KIF3C: variants seen among roughly 807,000 people sequenced by gnomAD.
The protein encoded by KIF3C is kinesin family member 3C.
Under a neutral mutation model 67.7 loss-of-function variants are expected in KIF3C, and 12 were observed. The ratio of observed to expected loss-of-function variants is 0.18; its 90% confidence interval spans 0.11 to 0.29. The LOEUF (loss-of-function observed/expected upper bound fraction) is 0.29. KIF3C is among the 10% of genes least tolerant of loss of function. The probability of loss-of-function intolerance (pLI) is 1.00; values close to 1 mark genes in which losing one functional copy is unlikely to be tolerated. For missense variants in KIF3C, 789 were observed against 1,059.6 expected (o/e 0.74, Z 3.55); for synonymous variants, 393 against 426.2 (o/e 0.92, Z 0.96).
At position 25,962,826 on chromosome 2, in the gene KIF3C, A is replaced by ATATAATATATAT. The variant is rs1559555136; in HGVS notation, c.1546-6383_1546-6382insATATATATTATA. Among the ~76,000 whole-genome samples, 3 of 64,508 alleles carry ATATAATATATAT rather than the reference A, an allele frequency of 4.7e-5. 1 individual carries two copies. Among genetic ancestry groups the ATATAATATATAT allele is most frequent in the African/African-American group, 2.6e-4 (3 of 11,686 alleles). The allele number at this position is 64,508 out of a possible 152,430, so 42.3% of individuals were successfully genotyped here. ...TAATATATAATATATATAATATATA[A>ATATAATATATAT]AATATATAAAATATATAATATATAA... On this transcript the variant is annotated intron_variant, in intron 1 of 7. Transcript: ENST00000264712.
At position 25,951,829 on chromosome 2, in the gene KIF3C, C is replaced by T; in HGVS notation, c.1966G>A (p.Glu656Lys). 6.2e-7 allele frequency: 1 copy of T among 1,614,088 alleles called. No homozygotes were observed. Among genetic ancestry groups the T allele is most frequent in the Non-Finnish European group, 8.5e-7 (1 of 1,179,978 alleles). Residue 656 changes from glutamate to lysine, a missense_variant, in exon 5 of 8, where the codon GAG becomes AAG. This residue lies in a region of KIF3C where 648 missense variants were observed against 807.8 expected (regional missense o/e 0.80). Coordinates refer to ENST00000264712, the MANE Select transcript of KIF3C (RefSeq NM_002254.8). ...IMNRLFLDCEEEQWKFQPLVP... is the reference protein window; with the variant it reads ...IMNRLFLDCEKEQWKFQPLVP... ...AGTGGCTGGAACTTCCACTGCTCCT[C>T]CTCACAGTCCAGGAAAAGCCGGTTC...
chr2:25,964,141 C>T (rs972913550), intron 1 of KIF3C, among the ~76,000 whole-genome samples: 2 of 152,068 alleles, frequency 1.3e-5, no homozygotes, highest in Non-Finnish European at 2.9e-5. Flanking sequence ...AATCTCATCT[C>T]TACTAAAAAG....
chr2:25,947,753 G>A (rs1006754215), intron 5 of KIF3C, among the ~76,000 whole-genome samples: 1 of 152,078 alleles, frequency 6.6e-6, no homozygotes, highest in Non-Finnish European at 1.5e-5. Context: ...ATGGTGGAAA[G>A]TTCAAATCCA....
intron 5 of KIF3C, among the ~76,000 whole-genome samples, chr2:25,951,006 C>T (rs190405881): frequency 5.1e-4 from 78 of 152,146 alleles, no homozygotes; most frequent in African/African-American, 1.8e-3. Context: ...GCTTCCCATC[C>T]CAGATTTAGG....
rs1054125745 is a variant in KIF3C at position 25,955,841 on chromosome 2, C to T, written c.1648-178G>A. 3.9e-5 allele frequency among the ~76,000 whole-genome samples: 6 copies of T among 152,138 alleles called. No individual in the cohort carries two copies. The highest frequency in any genetic ancestry group is 1.2e-4 in the African/African-American group (5 of 41,432). ...GCCCCTGGGAACCCTCCTCTCAGTT[C>T]CCAGGGCCATGCCTTTGCCAGGCTC... On this transcript the variant is annotated intron_variant, in intron 2 of 7. Coordinates refer to ENST00000264712, the MANE Select transcript of KIF3C (RefSeq NM_002254.8). The surrounding 1 kb of genome is among the most constrained non-coding windows in gnomAD (Gnocchi z 5.0).
rs374960605 is a variant in KIF3C at position 25,928,814 on chromosome 2, C to A, written c.*164G>T. The A allele has an allele frequency of 3.2e-5, 19 of 597,012 alleles. No homozygotes were observed. Among genetic ancestry groups the A allele is most frequent in the Non-Finnish European group, 5.3e-5 (18 of 337,932 alleles). The allele number at this position is 597,012 out of a possible 1,614,324, so 37.0% of individuals were successfully genotyped here. A position where few individuals can be genotyped will look rare whatever the true frequency, so the allele number is the denominator to read the frequency against. ...AATAACATGAATTAAATAAAGGAGGCGAAGAAGAGCAGGCAGAGGCACCAT... is the reference window on the plus strand; with the variant it reads ...AATAACATGAATTAAATAAAGGAGGAGAAGAAGAGCAGGCAGAGGCACCAT... On this transcript the variant is annotated 3_prime_UTR_variant, in exon 8 of 8. Transcript: ENST00000264712.
At position 25,954,278 on chromosome 2, in the gene KIF3C, T is replaced by C. The variant is rs746009022; in HGVS notation, c.1878A>G (p.Glu626=). The change falls in exon 4 of 8, where the codon GAA becomes GAG. Residue 626 remains glutamate, a synonymous_variant. Transcript: ENST00000264712. The part of the protein sequence containing the change: ...LEEAQNEQTR[E]LKLKYLIIEN... The stretch of plus-strand genomic sequence containing the variant: ...GCTGCGGGCCCTACTTGAGCTTGAG[T>C]TCGCGGGTCTGCTCGTTCTGCGCCT... The C allele has an allele frequency of 1.1e-5, 17 of 1,613,612 alleles. No homozygotes were observed. Among genetic ancestry groups the C allele is most frequent in the Non-Finnish European group, 1.4e-5 (17 of 1,179,650 alleles).
chr2:25,948,799 G>T (rs553558432), intron 5 of KIF3C, among the ~76,000 whole-genome samples: 3 of 151,892 alleles, frequency 2.0e-5, no homozygotes, highest in Non-Finnish European at 4.4e-5. Context: ...AAGCTCATTC[G>T]AACTTCAGGT....
intron 6 of KIF3C, among the ~76,000 whole-genome samples, chr2:25,929,678 C>T (rs2090441904): frequency 6.6e-6 from 1 of 151,406 alleles, no homozygotes; most frequent in South Asian, 2.1e-4. Context: ...TGCAGTGGTG[C>T]AATCTCGGCT....
At position 25,980,439 on chromosome 2, in the gene KIF3C, C is replaced by G. The variant is rs1251955618; in HGVS notation, c.1479G>C (p.Lys493Asn). ...SEEKQKLLEE[K>N]EKMLEDLRRE... ...GCCGCAGGTCCTCCAGCATCTTCTCCTTCTCCTCCAGCAGCTTCTGCTTCT... is the reference window on the plus strand; with the variant it reads ...GCCGCAGGTCCTCCAGCATCTTCTCGTTCTCCTCCAGCAGCTTCTGCTTCT... The change falls in exon 1 of 8, where the codon AAG becomes AAC. Residue 493 changes from lysine (K) to asparagine (N), a missense_variant. This residue lies in a region of KIF3C where 648 missense variants were observed against 807.8 expected (regional missense o/e 0.80). Coordinates refer to ENST00000264712, the MANE Select transcript of KIF3C (RefSeq NM_002254.8). The surrounding 1 kb of genome is among the most constrained non-coding windows in gnomAD (Gnocchi z 7.6). 2.5e-6 allele frequency: 4 copies of G among 1,614,146 alleles called. No homozygotes were observed. In the Admixed American group the frequency reaches 6.7e-5, roughly 27 times the overall value.
chr2:25,954,475 A>G, intron 3 of KIF3C, 90 bp from the exon 4 acceptor site: 1 of 939,462 alleles, frequency 1.1e-6, no homozygotes, highest in Non-Finnish European at 1.7e-6. Flanking sequence ...GCAGGCTCAG[A>G]GTCTACCGAC....
At chr2:25,939,306 G>T (rs908111774) in intron 5 of KIF3C, among the ~76,000 whole-genome samples, 4 of 152,016 alleles carry the variant, frequency 2.6e-5, no homozygotes, top group African/African-American at 9.7e-5. Flanking sequence ...CGACATCATC[G>T]GGTGTGTTTC....
chr2:25,951,466 T>C (rs1663610282), intron 5 of KIF3C: 1 of 279,936 alleles, frequency 3.6e-6, no homozygotes, highest in South Asian at 4.6e-5. Context: ...GACAAATGAA[T>C]ATTCACCAGA....
intron 1 of KIF3C, among the ~76,000 whole-genome samples, chr2:25,960,507 G>A (rs958113764): frequency 1.3e-5 from 2 of 151,916 alleles, no homozygotes; most frequent in East Asian, 1.9e-4. Context: ...ATGCTCTCTC[G>A]CCTGTAAGCT....
Position 25,981,133 on chromosome 2 carries a change from C to T in KIF3C, c.785G>A (p.Gly262Glu), listed in dbSNP as rs1038920913. 6.2e-7 allele frequency: 1 copy of T among 1,614,184 alleles called. No homozygotes were observed. ...ACCCGAGGATGGTGTGGCTGCCCCT[C>T]CCGCTGTGTTGGGGCCTGCCTTGTT... is the stretch of plus-strand genomic sequence containing the variant. ...RQNKAGPNTA[G>E]GAATPSSGGG... The change falls in exon 1 of 8, where the codon GGA becomes GAA. Residue 262 changes from glycine to glutamate, a missense_variant. Physicochemically the swap from Gly to Glu is moderately conservative, Grantham distance 98. Around this residue, in one of 2 missense-constraint regions of KIF3C, gnomAD observed 648 missense variants for 807.8 expected, o/e 0.80. Coordinates refer to ENST00000264712, the MANE Select transcript of KIF3C (RefSeq NM_002254.8). The surrounding 1 kb of genome is among the most constrained non-coding windows in gnomAD (Gnocchi z 8.2).
intron 1 of KIF3C, among the ~76,000 whole-genome samples, chr2:25,971,401 C>T (rs1221048636): frequency 1.3e-5 from 2 of 150,928 alleles, no homozygotes; most frequent in Non-Finnish European, 2.9e-5. Context: ...GATCACGCCA[C>T]TGTACTCCAG....
chr2:25,970,667 C>CAAAAA (rs397984116), intron 1 of KIF3C, among the ~76,000 whole-genome samples: 14 of 54,790 alleles, frequency 2.6e-4, no homozygotes, highest in East Asian at 7.6e-4. Flanking sequence ...AACTTTGTCT[C>CAAAAA]AAAAAAAAAA....
Position 25,926,881 on chromosome 2 carries a change from C to T in KIF3C, c.*2097G>A, listed in dbSNP as rs1422800861. On this transcript the variant is annotated 3_prime_UTR_variant, in exon 8 of 8. Transcript: ENST00000264712. ...CACGAGAATTTGGTCCTAATCAAGGCCCTTACTTTGTCAATCAAATATTTG... is the reference window on the plus strand; with the variant it reads ...CACGAGAATTTGGTCCTAATCAAGGTCCTTACTTTGTCAATCAAATATTTG... 2 of 152,106 alleles carry T rather than the reference C, an allele frequency of 1.3e-5. No homozygotes were observed. Among genetic ancestry groups the T allele is most frequent in the Non-Finnish European group, 2.9e-5 (2 of 68,026 alleles). The allele number at this position is 152,106 out of a possible 1,614,324, so 9.4% of individuals were successfully genotyped here.
Position 25,929,010 on chromosome 2 carries a change from G to A in KIF3C, c.2350C>T (p.Leu784=), listed in dbSNP as rs13030353. The change falls in exon 8 of 8, where the codon CTG becomes TTG. Residue 784 remains leucine, a synonymous_variant. Coordinates refer to ENST00000264712, the MANE Select transcript of KIF3C (RefSeq NM_002254.8). The stretch of plus-strand genomic sequence containing the variant: ...TGGTCCGCCACTGTTGCAGGGCGCA[G>A]AGAAGCAGAGGCCAGGGAGGCATGT... ...TTHASLASAS[L]RPATVADHE is the part of the protein sequence containing the mutation. 4 of 1,613,844 alleles carry A rather than the reference G, an allele frequency of 2.5e-6. No individual in the cohort carries two copies. The highest frequency in any genetic ancestry group is 3.4e-6 in the Non-Finnish European group (4 of 1,179,990).
Sources: allele counts gnomAD v4.1 joint callset (sites outside exome capture counted in the v4.1 genomes callset), GRCh38; gene constraint gnomAD v4.1.1; regional missense constraint gnomAD v4.1.1; non-coding constraint Gnocchi (gnomAD v3.1); transcripts MANE v1.5; gene names NCBI Gene and HGNC (gene_info 2026-07-23, HGNC 2026-07-21).